NPSR1: variants seen among roughly 807,000 people sequenced by gnomAD.
NPSR1 encodes the protein neuropeptide S receptor.
NPSR1 carries 48 observed loss-of-function variants against 46.9 expected under a neutral mutation model. The ratio of observed to expected loss-of-function variants is 1.02; its 90% CI spans 0.81 to 1.30. The LOEUF (loss-of-function observed/expected upper bound fraction) is 1.30, where lower values mean the gene tolerates loss of function less well. NPSR1 is among the 50% of genes most tolerant of loss of function. NPSR1 has a pLI of 0.00. For missense variants in NPSR1, 450 were observed against 449.5 expected, an observed-to-expected ratio of 1.00 and a Z score of -0.01; for synonymous variants, 176 against 168.1, an observed-to-expected ratio of 1.05 and a Z score of -0.36.
chr7:34,743,932 T>G (rs1033511307), intron 2 of NPSR1, among the ~76,000 whole-genome samples: 2 of 152,230 alleles, frequency 1.3e-5, no homozygotes, highest in South Asian at 4.1e-4. Context: ...TACTCTTCTA[T>G]GTACCCTTGA....
At chr7:34,770,449 CTG>C (rs1377214870) in intron 2 of NPSR1, among the ~76,000 whole-genome samples, 1 of 152,040 alleles carries the variant, frequency 6.6e-6, no homozygotes, top group Non-Finnish European at 1.5e-5. Context: ...TTTTTGTTAA[CTG>C]TAGAAAAATA....
intron 4 of NPSR1, among the ~76,000 whole-genome samples, chr7:34,818,842 G>T (rs1307179996): frequency 6.6e-6 from 1 of 152,182 alleles, no homozygotes; most frequent in Non-Finnish European, 1.5e-5. Context: ...TTAATAAATG[G>T]TGCTGGGAAA....
At chr7:34,776,186 T>C (rs1159125496) in intron 2 of NPSR1, among the ~76,000 whole-genome samples, 2 of 152,198 alleles carry the variant, frequency 1.3e-5, no homozygotes, top group Admixed American at 1.3e-4. Context: ...CCATGTGCTG[T>C]GGAAAATAAT....
At chr7:34,702,619 C>T (rs1793887212) in intron 2 of NPSR1, among the ~76,000 whole-genome samples, 1 of 152,228 alleles carries the variant, frequency 6.6e-6, no homozygotes, top group African/African-American at 2.4e-5. Context: ...CCTCCATAGG[C>T]TGCAGTGATC....
At chr7:34,759,347 A>C (rs1382104729) in intron 2 of NPSR1, among the ~76,000 whole-genome samples, 3 of 152,180 alleles carry the variant, frequency 2.0e-5, no homozygotes, top group Non-Finnish European at 4.4e-5. Flanking sequence ...TTAAGGAAGA[A>C]ATTTCCCTTC....
At chr7:34,695,486 T>C (rs1393935355) in intron 2 of NPSR1, among the ~76,000 whole-genome samples, 1 of 151,740 alleles carries the variant, frequency 6.6e-6, no homozygotes, top group Non-Finnish European at 1.5e-5. Flanking sequence ...AAAAAGCTTC[T>C]GTACAACAAA....
intron 3 of NPSR1, among the ~76,000 whole-genome samples, chr7:34,792,223 A>T (rs1787914023): frequency 6.6e-6 from 1 of 152,092 alleles, no homozygotes; most frequent in East Asian, 1.9e-4. Flanking sequence ...GTGGGACAAC[A>T]TTAAACTAAA....
At position 34,875,091 on chromosome 7, in the gene NPSR1, A is replaced by G. The variant is rs190323761; in HGVS notation, c.1026-2985A>G. Among the ~76,000 whole-genome samples, 979 of 152,312 alleles carry G rather than the reference A, an allele frequency of 6.4e-3. 7 individuals carry two copies. The highest frequency in any genetic ancestry group is 0.011 in the Non-Finnish European group (723 of 68,028). ...CTATTCTCGTCCCTATGGCATTATC[A>G]TTCCAAAACAATAGTAGACACTCTT... is the stretch of plus-strand genomic sequence containing the variant. On this transcript the variant is annotated intron_variant, in intron 8 of 8. Transcript: ENST00000359791.
At chr7:34,814,008 G>A (rs1789120212) in intron 4 of NPSR1, among the ~76,000 whole-genome samples, 1 of 152,222 alleles carries the variant, frequency 6.6e-6, no homozygotes, top group African/African-American at 2.4e-5. Context: ...GAAGACAGGT[G>A]ATTTCTGCAT....
chr7:34,684,331 T>G (rs1348281862), intron 1 of NPSR1, among the ~76,000 whole-genome samples: 1 of 152,244 alleles, frequency 6.6e-6, no homozygotes, highest in African/African-American at 2.4e-5. Context: ...ACAAACTTTT[T>G]GTCTCTTGAC....
chr7:34,856,937 G>A (rs1323714134), intron 8 of NPSR1, among the ~76,000 whole-genome samples: 1 of 151,522 alleles, frequency 6.6e-6, no homozygotes, highest in Non-Finnish European at 1.5e-5. Context: ...TCTAGCATCT[G>A]CTGATCTCTA....
chr7:34,697,325 G>A (rs1393876313), intron 2 of NPSR1, among the ~76,000 whole-genome samples: 1 of 151,874 alleles, frequency 6.6e-6, no homozygotes, highest in African/African-American at 2.4e-5. Context: ...TAATGTCAAG[G>A]AGGTGTGTTA....
chr7:34,876,600 G>C (rs13243494), intron 8 of NPSR1, among the ~76,000 whole-genome samples: 1 of 152,168 alleles, frequency 6.6e-6, no homozygotes, highest in Non-Finnish European at 1.5e-5. Context: ...AGCTGTTGCA[G>C]TTTTTGCCAT....
At chr7:34,748,687 T>C (rs953665609) in intron 2 of NPSR1, among the ~76,000 whole-genome samples, 1 of 152,116 alleles carries the variant, frequency 6.6e-6, no homozygotes, top group African/African-American at 2.4e-5. Flanking sequence ...TTTGATTTGT[T>C]TACAACTGAG....
intron 7 of NPSR1, among the ~76,000 whole-genome samples, chr7:34,848,251 C>T (rs1241148577): frequency 2.0e-5 from 3 of 152,202 alleles, no homozygotes. Flanking sequence ...GATAGAGAAG[C>T]TCTACAACCT....
chr7:34,750,752 AG>A (rs1785476458), intron 2 of NPSR1: 1 of 693,962 alleles, frequency 1.4e-6, no homozygotes, highest in Non-Finnish European at 2.7e-6. Flanking sequence ...TTGCTCTGTG[AG>A]GGGCAGCTGT....
chr7:34,777,674 T>C (rs1787033566), intron 2 of NPSR1, among the ~76,000 whole-genome samples: 1 of 152,132 alleles, frequency 6.6e-6, no homozygotes, highest in Non-Finnish European at 1.5e-5. Context: ...TCTGCAACCT[T>C]GCCTGCAGCA....
chr7:34,759,040 A>G, intron 2 of NPSR1, among the ~76,000 whole-genome samples: 1 of 152,220 alleles, frequency 6.6e-6, no homozygotes, highest in East Asian at 1.9e-4. Flanking sequence ...TGAGAGTTAT[A>G]CACCAGGAAT....
chr7:34,812,177 C>T (rs1050578530), intron 4 of NPSR1, among the ~76,000 whole-genome samples: 51 of 152,256 alleles, frequency 3.3e-4, no homozygotes, highest in African/African-American at 1.2e-3. Context: ...CCATCTTTTT[C>T]CTCTAGAGCA....
Sources: gnomAD v4.1 joint callset for allele counts (sites outside exome capture counted in the v4.1 genomes callset) on GRCh38, gnomAD v4.1.1 for gene constraint, MANE v1.5 for transcripts, NCBI Gene and HGNC (gene_info 2026-07-23, HGNC 2026-07-21) for gene names.